Variants in LNX1 observed in about 807,000 individuals in gnomAD.
The protein encoded by LNX1 is ligand of numb-protein X 1.
A neutral mutation model predicts 68.4 loss-of-function variants in LNX1; 54 were observed. The observed-to-expected ratio is 0.79, with a 90% confidence interval of 0.63 to 0.99. The LOEUF (loss-of-function observed/expected upper bound fraction) is 0.99. Ranked by LOEUF, LNX1 falls within the 50% of genes least tolerant of loss-of-function variation. The pLI, the probability that LNX1 is intolerant of heterozygous loss-of-function variation, is 0.00. For missense variants in LNX1, 906 were observed against 926.4 expected, an observed-to-expected ratio of 0.98 and a Z score of 0.29; for synonymous variants, 336 against 350.0, an observed-to-expected ratio of 0.96 and a Z score of 0.45.
At position 53,508,027 on chromosome 4, in the gene LNX1, G is replaced by C. The variant is rs1220786417; in HGVS notation, c.581C>G (p.Ala194Gly). ...CCGGCCAGAGTCCACTGGGCTGATTGCTGGCTGCCCGTCCTCTGCCGAGGA... is the reference window on the plus strand; with the variant it reads ...CCGGCCAGAGTCCACTGGGCTGATTCCTGGCTGCCCGTCCTCTGCCGAGGA... ...YVSSAEDGQP[A>G]ISPVDSGRSN... The change falls in exon 3 of 11, where the codon GCA becomes GGA. Residue 194 changes from alanine to glycine, a missense_variant. Physicochemically the swap from Ala to Gly is moderately conservative, Grantham distance 60 (BLOSUM62 0). Transcript: ENST00000263925. The C allele has an allele frequency of 6.2e-7, 1 of 1,614,028 alleles. No homozygotes were observed. The highest frequency in any genetic ancestry group is 8.5e-7 in the Non-Finnish European group (1 of 1,180,022).
At chr4:53,634,207 G>T (rs141501251) in intron 1 of LNX1, among the ~76,000 whole-genome samples, 3 of 151,586 alleles carry the variant, frequency 2.0e-5, no homozygotes, top group African/African-American at 7.3e-5. Flanking sequence ...CAAGCCCAGT[G>T]GAATGGGCTG....
chr4:53,532,423 C>T (rs990270794), intron 2 of LNX1, among the ~76,000 whole-genome samples: 7 of 151,650 alleles, frequency 4.6e-5, no homozygotes, highest in South Asian at 2.1e-4. Context: ...TGTAGTGAGC[C>T]GAGATAGACT....
chr4:53,537,664 C>A (rs1728469028), intron 2 of LNX1, among the ~76,000 whole-genome samples: 1 of 152,172 alleles, frequency 6.6e-6, no homozygotes, highest in African/African-American at 2.4e-5. Flanking sequence ...GCCAGGAGCC[C>A]CACACAGGTG....
chr4:53,601,017 G>T (rs1732983586), intron 2 of LNX1, among the ~76,000 whole-genome samples: 2 of 143,602 alleles, frequency 1.4e-5, no homozygotes, highest in Non-Finnish European at 3.0e-5. Flanking sequence ...GGCCGAGGTT[G>T]CAGTGAGCCA....
intron 1 of LNX1, among the ~76,000 whole-genome samples, chr4:53,579,879 C>T (rs1410139326): frequency 1.3e-5 from 2 of 152,186 alleles, no homozygotes; most frequent in Non-Finnish European, 2.9e-5. Context: ...GATAATTTTA[C>T]GTGTTCTTCC....
At chr4:53,576,202 T>C (rs1169501430) in intron 1 of LNX1, 5 of 1,591,526 alleles carry the variant, frequency 3.1e-6, no homozygotes, top group Non-Finnish European at 4.3e-6. Context: ...TGTGACAATC[T>C]CCACCAGTGC....
At chr4:53,545,801 CAT>C (rs370344275) in intron 2 of LNX1, among the ~76,000 whole-genome samples, 4,669 of 116,658 alleles carry the variant, frequency 0.04, 248 homozygotes, top group African/African-American at 0.14. Flanking sequence ...TCAGAGGCCA[CAT>C]TTTTTTTTTT....
At chr4:53,610,858 C>A (rs1224577215) in intron 2 of LNX1, among the ~76,000 whole-genome samples, 1 of 150,986 alleles carries the variant, frequency 6.6e-6, no homozygotes, top group Non-Finnish European at 1.5e-5. Context: ...TAAATTTAAA[C>A]TTGTTATATA....
intron 2 of LNX1, among the ~76,000 whole-genome samples, chr4:53,536,452 C>G (rs997989412): frequency 6.6e-6 from 1 of 152,110 alleles, no homozygotes; most frequent in Admixed American, 6.5e-5. Flanking sequence ...GCCTAGATCA[C>G]CAGCAACTCC....
intron 1 of LNX1, among the ~76,000 whole-genome samples, chr4:53,578,823 T>C (rs1403570439): frequency 2.6e-5 from 4 of 152,212 alleles, no homozygotes; most frequent in African/African-American, 2.4e-5. Context: ...TCTGACTTTA[T>C]TTTAGACTAA....
intron 1 of LNX1, among the ~76,000 whole-genome samples, chr4:53,584,199 G>C (rs933460398): frequency 2.6e-5 from 4 of 152,062 alleles, no homozygotes; most frequent in African/African-American, 9.7e-5. Context: ...TTTACAGAGG[G>C]AAGGACAAGA....
intron 2 of LNX1, among the ~76,000 whole-genome samples, chr4:53,539,744 C>T (rs1211313341): frequency 2.0e-5 from 3 of 152,172 alleles, no homozygotes; most frequent in Non-Finnish European, 4.4e-5. Flanking sequence ...CTCTAAATAC[C>T]AGGACTGCTG....
chr4:53,575,893 G>A (rs1290224692), intron 1 of LNX1: 16 of 1,577,984 alleles, frequency 1.0e-5, no homozygotes, highest in South Asian at 6.0e-5. Context: ...CAGCCTGCAA[G>A]GGGAGGACTG....
chr4:53,530,052 G>A (rs777544869), intron 2 of LNX1, among the ~76,000 whole-genome samples: 9 of 152,156 alleles, frequency 5.9e-5, no homozygotes, highest in Non-Finnish European at 1.2e-4. Context: ...GTTTTATCAA[G>A]TAAAAATTAA....
intron 8 of LNX1, among the ~76,000 whole-genome samples, chr4:53,477,367 C>G (rs184110241): frequency 1.2e-4 from 18 of 152,172 alleles, no homozygotes; most frequent in African/African-American, 4.3e-4. Flanking sequence ...AGCATTTGCA[C>G]GGAGCCAGGC....
intron 6 of LNX1, among the ~76,000 whole-genome samples, chr4:53,492,709 A>T (rs1207165092): frequency 6.6e-6 from 1 of 152,180 alleles, no homozygotes; most frequent in Non-Finnish European, 1.5e-5. Flanking sequence ...GAGGTGAGTC[A>T]AAGTTCTTTT....
intron 1 of LNX1, among the ~76,000 whole-genome samples, chr4:53,637,965 ATT>A (rs2109880907): frequency 1.3e-5 from 2 of 152,334 alleles, no homozygotes; most frequent in African/African-American, 4.8e-5. Context: ...CCCACTGTGT[ATT>A]CTTGAAACTA....
chr4:53,565,611 G>A (rs1290625841), intron 2 of LNX1, among the ~76,000 whole-genome samples: 2 of 152,138 alleles, frequency 1.3e-5, no homozygotes, highest in Non-Finnish European at 2.9e-5. Context: ...CCAAAGGAAC[G>A]CAGCTCCTCA....
chr4:53,615,517 C>T (rs890125526), intron 2 of LNX1, among the ~76,000 whole-genome samples: 2 of 152,160 alleles, frequency 1.3e-5, no homozygotes, highest in Non-Finnish European at 2.9e-5. Flanking sequence ...TCTAGCCAAT[C>T]GCCAGAGCCA....
Sources: allele counts gnomAD v4.1 joint callset (sites outside exome capture counted in the v4.1 genomes callset), GRCh38; gene constraint gnomAD v4.1.1; transcripts MANE v1.5; gene names NCBI Gene and HGNC (gene_info 2026-07-23, HGNC 2026-07-21).